Variants in BRMS1L observed in about 807,000 individuals in gnomAD.
The protein encoded by BRMS1L is breast cancer metastasis-suppressor 1-like protein.
In BRMS1L, 23 loss-of-function variants were observed where a neutral mutation model predicts 50.3. The observed-to-expected ratio is 0.46, with a 90% CI of 0.33 to 0.65. BRMS1L has a LOEUF of 0.65. BRMS1L is among the 30% of genes least tolerant of loss of function. BRMS1L has a pLI of 0.02. For missense variants in BRMS1L, 286 were observed against 386.1 expected, an observed-to-expected ratio of 0.74 and a Z score of 2.17; for synonymous variants, 114 against 126.9, an observed-to-expected ratio of 0.90 and a Z score of 0.69.
intron 1 of BRMS1L, among the ~76,000 whole-genome samples, chr14:35,828,707 C>T (rs113907156): frequency 0.047 from 7,187 of 152,104 alleles, 262 homozygotes; most frequent in East Asian, 0.23. Context: ...CTGCCTGCCT[C>T]GGCCTCCCCA....
At chr14:35,868,772 T>C (rs1398292316) in intron 9 of BRMS1L, among the ~76,000 whole-genome samples, 2 of 152,158 alleles carry the variant, frequency 1.3e-5, no homozygotes, top group Non-Finnish European at 2.9e-5. Flanking sequence ...AGTGAGACCT[T>C]GTCTCTCTAA....
intron 1 of BRMS1L, among the ~76,000 whole-genome samples, chr14:35,829,487 TTAAA>T (rs1387360969): frequency 6.6e-6 from 1 of 152,262 alleles, no homozygotes; most frequent in East Asian, 1.9e-4. Flanking sequence ...AAGAAATTGT[TTAAA>T]TAAATTTTGC....
intron 1 of BRMS1L, chr14:35,829,807 T>C (rs1350701979): frequency 8.0e-7 from 1 of 1,250,680 alleles, no homozygotes; most frequent in Non-Finnish European, 1.0e-6. Context: ...TGACTTTTAT[T>C]TGATGAAGAT....
In BRMS1L at chr14:35,829,008, C is replaced by T. The variant is rs181759655; in HGVS notation, c.142+2350C>T. ...TCACCCAGGCTGGAGTGCAGTGGCA[C>T]GATCTTGGCTCGCTGCAACCTCTGC... is the stretch of plus-strand genomic sequence containing the variant. On this transcript the variant is annotated intron_variant, in intron 1 of 9. Transcript: ENST00000216807. Among the ~76,000 whole-genome samples, 509 of 151,620 alleles carry T rather than the reference C, an allele frequency of 3.4e-3. 1 individual carries two copies. Among genetic ancestry groups the T allele is most frequent in the African/African-American group, 0.011 (435 of 41,288 alleles).
Position 35,826,571 on chromosome 14 carries a change from G to T in BRMS1L, c.55G>T (p.Glu19Ter). 6.2e-7 allele frequency: 1 copy of T among 1,609,054 alleles called. No homozygotes were observed. Residue 19 changes from glutamate (E) to a stop codon, truncating the protein, a stop_gained, in exon 1 of 10, where the codon GAG becomes TAG. Transcript: ENST00000216807. LOFTEE classifies it high-confidence loss of function. The part of the protein sequence containing the change: ...KKETNHHDEM[E>*]VDYAENEGSS... Reference sequence around the variant, plus strand: ...GGAGACCAACCATCACGATGAGATGGAGGTGGACTACGCCGAAAATGAGGG... The same window carrying T: ...GGAGACCAACCATCACGATGAGATGTAGGTGGACTACGCCGAAAATGAGGG...
At chr14:35,862,084 AT>A (rs200435275) in intron 4 of BRMS1L, among the ~76,000 whole-genome samples, 4,608 of 152,282 alleles carry the variant, frequency 0.03, 189 homozygotes, top group African/African-American at 0.088. Flanking sequence ...AATTTAGACT[AT>A]AATTGAATTA....
chr14:35,858,406 A>T (rs970698117), intron 4 of BRMS1L, among the ~76,000 whole-genome samples: 1 of 152,140 alleles, frequency 6.6e-6, no homozygotes, highest in Non-Finnish European at 1.5e-5. Flanking sequence ...CTCTGCTAGC[A>T]TCTTATTTTC....
chr14:35,864,851 G>T, intron 6 of BRMS1L, 84 bp from the exon 7 acceptor site: 1 of 976,442 alleles, frequency 1.0e-6, no homozygotes, highest in Non-Finnish European at 1.6e-6. Context: ...ATAAATCATC[G>T]TTCCATTTTC....
intron 4 of BRMS1L, among the ~76,000 whole-genome samples, chr14:35,850,022 C>T (rs530559454): frequency 1.1e-3 from 163 of 143,714 alleles, no homozygotes; most frequent in African/African-American, 3.4e-3. Flanking sequence ...GGGGTTTCAC[C>T]GTGTTGGCCA....
chr14:35,830,723 A>G (rs2077908253), intron 1 of BRMS1L, among the ~76,000 whole-genome samples: 1 of 152,090 alleles, frequency 6.6e-6, no homozygotes. Context: ...GAATCCCAAA[A>G]ATGTTTTTGA....
At chr14:35,826,701 G>A (rs762973311) in intron 1 of BRMS1L, 43 bp downstream of exon 1, 5 of 1,599,464 alleles carry the variant, frequency 3.1e-6, no homozygotes, top group Admixed American at 3.4e-5. Context: ...CGCGCCCAGC[G>A]CGCGACAGGC....
intron 2 of BRMS1L, among the ~76,000 whole-genome samples, chr14:35,832,353 A>G (rs1158927133): frequency 2.7e-5 from 4 of 150,584 alleles, no homozygotes; most frequent in African/African-American, 9.8e-5. Context: ...AAAATACAAA[A>G]AAAAAAAAAA....
chr14:35,835,816 G>C (rs2077984590), intron 4 of BRMS1L, among the ~76,000 whole-genome samples: 1 of 152,194 alleles, frequency 6.6e-6, no homozygotes, highest in African/African-American at 2.4e-5. Flanking sequence ...CTGTTCTGCA[G>C]CCTGGGTAAC....
At chr14:35,831,614 C>A in intron 2 of BRMS1L, 114 bp downstream of exon 2, 1 of 736,566 alleles carries the variant, frequency 1.4e-6, no homozygotes, top group Non-Finnish European at 2.3e-6. Context: ...TGCGACAGAC[C>A]AATTTGAAAG....
chr14:35,832,879 A>C, intron 2 of BRMS1L, 99 bp from the exon 3 acceptor site: 1 of 1,050,490 alleles, frequency 9.5e-7, no homozygotes, highest in African/African-American at 1.6e-5. Flanking sequence ...AGATTATTAG[A>C]ATATAAATGA....
chr14:35,826,507 C>A lies in BRMS1L; in HGVS notation c.-10C>A. The A allele has an allele frequency of 6.3e-7, 1 of 1,575,090 alleles. No individual in the cohort carries two copies. The highest frequency in any genetic ancestry group is 8.6e-7 in the Non-Finnish European group (1 of 1,160,664). ...GCGCCGGTAGTGGAAAGCGACGGCG[C>A]GGCTGGAAAATGCCAGTCCATTCCC... On this transcript the variant is annotated 5_prime_UTR_variant, in exon 1 of 10. Coordinates refer to ENST00000216807, the MANE Select transcript of BRMS1L (RefSeq NM_032352.4).
At chr14:35,853,014 C>CTATCTATA (rs1555314540) in intron 4 of BRMS1L, among the ~76,000 whole-genome samples, 1 of 150,422 alleles carries the variant, frequency 6.6e-6, no homozygotes, top group African/African-American at 2.5e-5. Flanking sequence ...ATCTATCTAT[C>CTATCTATA]TATATATAGA....
At chr14:35,851,383 C>CA (rs35957897) in intron 4 of BRMS1L, among the ~76,000 whole-genome samples, 21,789 of 83,702 alleles carry the variant, frequency 0.26, 1,645 homozygotes, top group East Asian at 0.43. Flanking sequence ...AAAAGCATGC[C>CA]AAAAAAAAAA....
Position 35,871,242 on chromosome 14 carries a change from G to A in BRMS1L, c.*765G>A, listed in dbSNP as rs2078488049. On this transcript the variant is annotated 3_prime_UTR_variant, in exon 10 of 10. Transcript: ENST00000216807. ...GTATTTATGATGCAGTATATAAGTG[G>A]TGAACAATAACTGACAGTATTGTGC... 1 of 152,564 alleles carries A rather than the reference G, an allele frequency of 6.6e-6. No homozygotes were observed. The highest frequency in any genetic ancestry group is 6.5e-5 in the Admixed American group (1 of 15,272). The allele number at this position is 152,564 out of a possible 1,614,324, so 9.5% of individuals were successfully genotyped here.
Sources: gnomAD v4.1 joint callset for allele counts (sites outside exome capture counted in the v4.1 genomes callset) on GRCh38, gnomAD v4.1.1 for gene constraint, MANE v1.5 for transcripts, NCBI Gene and HGNC (gene_info 2026-07-23, HGNC 2026-07-21) for gene names.